TRIM37: variants seen among roughly 807,000 people sequenced by gnomAD.
The protein encoded by TRIM37 is E3 ubiquitin-protein ligase TRIM37.
In TRIM37, 80 loss-of-function variants were observed where a neutral mutation model predicts 129.8. The ratio of observed to expected loss-of-function variants is 0.62; its 90% CI spans 0.51 to 0.74. TRIM37 has a LOEUF of 0.74. Ranked by LOEUF, TRIM37 falls within the 30% of genes least tolerant of loss-of-function variation. The pLI is 0.00. For synonymous variants in TRIM37, 389 were observed against 387.1 expected (o/e 1.00, Z -0.06); for missense variants, 1,054 against 1,176.5 (o/e 0.90, Z 1.52).
intron 5 of TRIM37, among the ~76,000 whole-genome samples, chr17:59,081,942 A>C (rs1464421450): frequency 9.5e-6 from 1 of 105,212 alleles, no homozygotes; most frequent in African/African-American, 4.0e-5. Context: ...AAAACCAAAA[A>C]AAAAAAAAAA....
intron 19 of TRIM37, among the ~76,000 whole-genome samples, chr17:59,024,786 A>G (rs1298743463): frequency 6.6e-6 from 1 of 152,250 alleles, no homozygotes; most frequent in Non-Finnish European, 1.5e-5. Context: ...CAGCATCCCA[A>G]AATGCTGGGA....
intron 17 of TRIM37, among the ~76,000 whole-genome samples, chr17:59,039,596 C>T (rs182638226): frequency 1.3e-5 from 2 of 152,100 alleles, no homozygotes; most frequent in Non-Finnish European, 1.5e-5. Flanking sequence ...CCACCCACCT[C>T]GGCCTCCCAA....
At chr17:59,066,912 C>G (rs982048581) in intron 9 of TRIM37, among the ~76,000 whole-genome samples, 1 of 152,104 alleles carries the variant, frequency 6.6e-6, no homozygotes, top group Non-Finnish European at 1.5e-5. Context: ...ATATAGCTGG[C>G]ATATATTCAC....
At chr17:59,007,158 A>AACACACACACAC (rs540872393) in intron 22 of TRIM37, among the ~76,000 whole-genome samples, 10 of 8,350 alleles carry the variant, frequency 1.2e-3, no homozygotes, top group East Asian at 8.5e-3. Flanking sequence ...CCCACCCTCC[A>AACACACACACAC]ACACACACAC....
chr17:59,081,356 T>C lies in TRIM37; in HGVS notation c.370-137A>G. On this transcript the variant is annotated intron_variant, in intron 5 of 23. Transcript: ENST00000262294. ...TACCTTATTAGCTAATTTAATTTTGTTGAAGCAGGCCAGTGCCCGCTTAAA... is the reference window on the plus strand; with the variant it reads ...TACCTTATTAGCTAATTTAATTTTGCTGAAGCAGGCCAGTGCCCGCTTAAA... 8 of 1,290,596 alleles carry C rather than the reference T, an allele frequency of 6.2e-6. No homozygotes were observed. The South Asian group carries it at 7.9e-5, about 13-fold the overall frequency. 79.9% of individuals were successfully genotyped at this position (1,290,596 alleles called of 1,614,324 possible).
At chr17:59,060,987 G>A (rs2041438841) in intron 12 of TRIM37, 45 bp downstream of exon 12, 1 of 1,407,010 alleles carries the variant, frequency 7.1e-7, no homozygotes, top group African/African-American at 1.4e-5. Flanking sequence ...TAGGGGGAAG[G>A]TATGTAAATG....
At chr17:58,979,933 A>G (rs2031265773), downstream of TRIM37, 7 of 1,516,548 alleles carry the variant, frequency 4.6e-6, no homozygotes, top group Non-Finnish European at 6.3e-6. Context: ...ATGCAAGGTA[A>G]AACAAATGCT....
chr17:58,982,783 T>C lies in TRIM37; in HGVS notation c.*135A>G. 1.5e-5 allele frequency: 11 copies of C among 746,492 alleles called. No individual in the cohort carries two copies. The South Asian group carries it at 2.1e-4, about 15-fold the overall frequency. 46.2% of individuals were successfully genotyped at this position (746,492 alleles called of 1,614,324 possible). A position where few individuals can be genotyped will look rare whatever the true frequency, so the allele number is the denominator to read the frequency against. On this transcript the variant is annotated 3_prime_UTR_variant, in exon 25 of 25. Coordinates refer to the TRIM37 transcript ENST00000393066. ...ACAAATGGTTGAAAAGGAGTCAACA[T>C]GGCCCCAACTATAGTGCCGGAACCT...
chr17:58,967,481 C>A, the TRIM37 span, among the ~76,000 whole-genome samples: 1 of 149,310 alleles, frequency 6.7e-6, no homozygotes, highest in Admixed American at 6.7e-5. Context: ...ACATTCTGAT[C>A]CTAATTTCAT....
Position 59,062,001 on chromosome 17 carries a change from T to C in TRIM37, c.942+566A>G, listed in dbSNP as rs2041535354. On this transcript the variant is annotated intron_variant, in intron 11 of 23. Coordinates refer to ENST00000262294, the MANE Select transcript of TRIM37 (RefSeq NM_015294.6). ...CCAGACATAAAAGATGATATATTAT[T>C]GTGTAATGCCATTATACAAAACTTT... Among the ~76,000 whole-genome samples, 3 of 151,996 alleles carry C rather than the reference T, an allele frequency of 2.0e-5. No individual in the cohort carries two copies. The South Asian group carries it at 6.2e-4, about 32-fold the overall frequency.
chr17:59,002,361 A>C (rs1247360538), intron 22 of TRIM37, among the ~76,000 whole-genome samples: 2 of 152,082 alleles, frequency 1.3e-5, no homozygotes, highest in African/African-American at 4.8e-5. Context: ...TAGCCTCCCA[A>C]GTAGATAGGT....
intron 18 of TRIM37, among the ~76,000 whole-genome samples, chr17:59,029,577 TA>T (rs1372663849): frequency 6.6e-6 from 1 of 152,020 alleles, no homozygotes; most frequent in Non-Finnish European, 1.5e-5. Context: ...ATGTGTTAAA[TA>T]AATACACAGA....
intron 10 of TRIM37, among the ~76,000 whole-genome samples, chr17:59,062,878 G>C (rs1267442163): frequency 6.6e-6 from 1 of 151,918 alleles, no homozygotes; most frequent in Non-Finnish European, 1.5e-5. Context: ...TAAGTTTCAG[G>C]GGAAAAAAAA....
intron 2 of TRIM37, among the ~76,000 whole-genome samples, chr17:59,102,121 G>T (rs1182931088): frequency 2.6e-5 from 4 of 152,096 alleles, no homozygotes. Context: ...CAGTGCTGAA[G>T]GAATAGATTT....
At chr17:58,986,348 G>A (rs761633223) in intron 24 of TRIM37, among the ~76,000 whole-genome samples, 1 of 151,630 alleles carries the variant, frequency 6.6e-6, no homozygotes, top group Non-Finnish European at 1.5e-5. Context: ...ACAGGCGCCC[G>A]CCACCACACC....
chr17:59,001,704 G>A lies in TRIM37; in HGVS notation c.2706C>T (p.Ser902=), dbSNP rs771485008. 9.9e-6 allele frequency: 16 copies of A among 1,613,826 alleles called. No homozygotes were observed. Among genetic ancestry groups the A allele is most frequent in the African/African-American group, 2.7e-5 (2 of 74,876 alleles). Reference sequence around the variant, plus strand: ...CAGTGTCACATTCAATGTCACTGTCGCTACTCATTCCTGGCAGGAAGGAAG... The same window carrying A: ...CAGTGTCACATTCAATGTCACTGTCACTACTCATTCCTGGCAGGAAGGAAG... ...ASAAPEEGMS[S]DSDIECDTEN... The change falls in exon 23 of 24, where the codon AGC becomes AGT. Residue 902 remains serine (S), a synonymous_variant. Coordinates refer to ENST00000262294, the MANE Select transcript of TRIM37 (RefSeq NM_015294.6).
At chr17:59,042,448 AAATATATATAT>A (rs2039338648) in intron 16 of TRIM37, among the ~76,000 whole-genome samples, 5 of 45,198 alleles carry the variant, frequency 1.1e-4, no homozygotes, top group African/African-American at 3.4e-4. Flanking sequence ...AAAAAAAAAA[AAATATATATAT>A]ATATATATAT....
intron 16 of TRIM37, among the ~76,000 whole-genome samples, chr17:59,042,432 A>T (rs1407963417): frequency 1.2e-4 from 8 of 69,360 alleles, no homozygotes; most frequent in South Asian, 4.0e-4. Flanking sequence ...AAAGGAATTT[A>T]AAAAAAAAAA....
chr17:59,066,727 A>C (rs1213377329), intron 9 of TRIM37, among the ~76,000 whole-genome samples: 2 of 152,252 alleles, frequency 1.3e-5, no homozygotes, highest in Non-Finnish European at 1.5e-5. Context: ...GGACACAAAT[A>C]GTATAATGAC....
Sources: allele counts gnomAD v4.1 joint callset (sites outside exome capture counted in the v4.1 genomes callset), GRCh38; gene constraint gnomAD v4.1.1; transcripts MANE v1.5; gene names NCBI Gene and HGNC (gene_info 2026-07-23, HGNC 2026-07-21).